The following CHST15 variants were observed in gnomAD, a reference collection of about 807,000 sequenced individuals.
CHST15 encodes the protein carbohydrate sulfotransferase 15.
A neutral mutation model predicts 53.6 loss-of-function variants in CHST15; 30 were observed. The observed-to-expected ratio is 0.56, with a 90% CI of 0.42 to 0.76. CHST15 has a LOEUF of 0.76. Ranked by LOEUF, CHST15 falls within the 30% of genes least tolerant of loss-of-function variation. The pLI, the probability that CHST15 is intolerant of heterozygous loss-of-function variation, is 0.00. For synonymous variants in CHST15, 296 were observed against 289.8 expected, an observed-to-expected ratio of 1.02 and a Z score of -0.22; for missense variants, 627 against 740.5, an observed-to-expected ratio of 0.85 and a Z score of 1.78.
chr10:124,059,943 G>A (rs183603705), intron 1 of CHST15, among the ~76,000 whole-genome samples: 43 of 152,312 alleles, frequency 2.8e-4, no homozygotes, highest in African/African-American at 6.5e-4. Context: ...AGAGCCAGGC[G>A]AGTGGAGTTT....
Position 124,008,672 on chromosome 10 carries a change from G to C in CHST15, c.*1477C>G, listed in dbSNP as rs760767128. 456 of 1,057,718 alleles carry C rather than the reference G, an allele frequency of 4.3e-4. No individual in the cohort carries two copies. The highest frequency in any genetic ancestry group is 9.4e-4 in the Middle Eastern group (2 of 2,134). 65.5% of individuals were successfully genotyped at this position (1,057,718 alleles called of 1,614,324 possible). A position where few individuals can be genotyped will look rare whatever the true frequency, so the allele number is the denominator to read the frequency against. On this transcript the variant is annotated 3_prime_UTR_variant, in exon 8 of 8. Coordinates refer to ENST00000435907, the MANE Select transcript of CHST15 (RefSeq NM_001270764.2). ...CAGATCCTCCTACCCCCGAAGCCTGGTCTGTCTCACACATACAAGTTAGAG... is the reference window on the plus strand; with the variant it reads ...CAGATCCTCCTACCCCCGAAGCCTGCTCTGTCTCACACATACAAGTTAGAG...
intron 1 of CHST15, among the ~76,000 whole-genome samples, chr10:124,084,796 G>A (rs1484429214): frequency 1.3e-5 from 2 of 152,162 alleles, no homozygotes; most frequent in Non-Finnish European, 2.9e-5. Context: ...GTGACACAGA[G>A]GTCAGCCAGC....
intron 3 of CHST15, 58 bp downstream of exon 3, chr10:124,044,522 G>A (rs909785758): frequency 5.7e-5 from 78 of 1,364,956 alleles, no homozygotes; most frequent in Non-Finnish European, 7.3e-5. Flanking sequence ...AACGTTGCGG[G>A]AGGAATGAAC....
chr10:124,063,779 C>G (rs556152774), intron 1 of CHST15, among the ~76,000 whole-genome samples: 1 of 152,312 alleles, frequency 6.6e-6, no homozygotes, highest in South Asian at 2.1e-4. Flanking sequence ...CTTAAACCAC[C>G]GCTGTCTTGC....
In CHST15 at chr10:124,036,550, G is replaced by A. The variant is rs982786998; in HGVS notation, c.1190+1965C>T. Among the ~76,000 whole-genome samples the A allele has an allele frequency of 1.3e-5, 2 of 152,102 alleles. No individual in the cohort carries two copies. The highest frequency in any genetic ancestry group is 2.1e-4 in the South Asian group (1 of 4,818). On this transcript the variant is annotated intron_variant, in intron 5 of 7. Transcript: ENST00000435907. The surrounding 1 kb of genome is among the most constrained non-coding windows in gnomAD (Gnocchi z 5.1). ...AGCGGGAGCCATGCAGACTCCACAA[G>A]AGGGACATCAGCTCAGAAGTGTGAC...
chr10:124,064,861 C>T (rs958515862), intron 1 of CHST15, among the ~76,000 whole-genome samples: 1 of 152,168 alleles, frequency 6.6e-6, no homozygotes, highest in African/African-American at 2.4e-5. Flanking sequence ...CTGCCCTGAT[C>T]CTCCAACCCT....
chr10:124,019,852 A>C lies in CHST15; in HGVS notation c.1347+1404T>G. The C allele has an allele frequency of 1.0e-6, 1 of 985,968 alleles. No individual in the cohort carries two copies. The highest frequency in any genetic ancestry group is 4.7e-5 in the South Asian group (1 of 21,294). The allele number at this position is 985,968 out of a possible 1,614,324, so 61.1% of individuals were successfully genotyped here. A position where few individuals can be genotyped will look rare whatever the true frequency, so the allele number is the denominator to read the frequency against. ...GCCACGCACCCAAGCCCCCTGCCTC[A>C]GTGCCCCCCATCTCCCACACCAGGC... is the stretch of plus-strand genomic sequence containing the variant. On this transcript the variant is annotated intron_variant, in intron 6 of 7. Coordinates refer to ENST00000435907, the MANE Select transcript of CHST15 (RefSeq NM_001270764.2). This position sits in a 1 kb window ranked among gnomAD's most constrained non-coding sequence, Gnocchi z 4.6.
At chr10:124,056,936 C>T (rs911872200) in intron 1 of CHST15, among the ~76,000 whole-genome samples, 2 of 151,650 alleles carry the variant, frequency 1.3e-5, no homozygotes, top group Non-Finnish European at 2.9e-5. Flanking sequence ...CGACCGGACA[C>T]TCTGAGGCCC....
intron 5 of CHST15, among the ~76,000 whole-genome samples, chr10:124,033,562 AT>A (rs1947308708): frequency 6.6e-6 from 1 of 152,210 alleles, no homozygotes; most frequent in African/African-American, 2.4e-5. Flanking sequence ...TGACGATGGG[AT>A]TTCACACTCA....
chr10:124,026,700 G>A lies in CHST15; in HGVS notation c.1191-5288C>T, dbSNP rs1947026250. ...TGAGGAATGTGGGAGGGTGGAGCCA[G>A]GCGACAGGCAGCTCACGGCCTCAGC... On this transcript the variant is annotated intron_variant, in intron 5 of 7. Transcript: ENST00000435907. Among the ~76,000 whole-genome samples, 2 of 152,210 alleles carry A rather than the reference G, an allele frequency of 1.3e-5. 1 individual carries two copies. Among genetic ancestry groups the A allele is most frequent in the Non-Finnish European group, 2.9e-5 (2 of 68,042 alleles).
At chr10:124,012,242 C>T in intron 7 of CHST15, 91 bp downstream of exon 7, 1 of 1,464,256 alleles carries the variant, frequency 6.8e-7, no homozygotes, top group Non-Finnish European at 9.3e-7. Context: ...TCCCACCCAG[C>T]TGACCAGGTC....
rs946747951 is a variant in CHST15 at position 124,016,263 on chromosome 10, G to A, written c.1348-3783C>T. Among the ~76,000 whole-genome samples, 14 of 152,028 alleles carry A rather than the reference G, an allele frequency of 9.2e-5. No homozygotes were observed. In the South Asian group the frequency reaches 1.0e-3, roughly 11 times the overall value. Reference sequence around the variant, plus strand: ...GTGAATGACTCCAGCAGGGTGTGCCGGGGCCCAGGGTGCCTTACAAAGCTG... The same window carrying A: ...GTGAATGACTCCAGCAGGGTGTGCCAGGGCCCAGGGTGCCTTACAAAGCTG... On this transcript the variant is annotated intron_variant, in intron 6 of 7. Coordinates refer to ENST00000435907, the MANE Select transcript of CHST15 (RefSeq NM_001270764.2).
Position 124,010,062 on chromosome 10 carries a change from A to T in CHST15, c.*87T>A. ...GAGTCCTGGGGTTTTCCATACCATG[A>T]GTGAAACAGTTCCCCGCAAAGAGAT... On this transcript the variant is annotated 3_prime_UTR_variant, in exon 8 of 8. Coordinates refer to ENST00000435907, the MANE Select transcript of CHST15 (RefSeq NM_001270764.2). 1.2e-6 allele frequency: 2 copies of T among 1,603,700 alleles called. No homozygotes were observed. The highest frequency in any genetic ancestry group is 1.7e-5 in the Admixed American group (1 of 59,430).
chr10:124,026,059 G>T (rs1376437691), intron 5 of CHST15, among the ~76,000 whole-genome samples: 1 of 152,168 alleles, frequency 6.6e-6, no homozygotes, highest in Non-Finnish European at 1.5e-5. Flanking sequence ...CAATTCTAAG[G>T]AAGACCAATT....
chr10:124,041,926 T>A (rs1318750439), intron 4 of CHST15, among the ~76,000 whole-genome samples: 2 of 152,194 alleles, frequency 1.3e-5, no homozygotes, highest in African/African-American at 4.8e-5. Flanking sequence ...AGCAAATCGA[T>A]GACTAACCAG....
chr10:124,086,987 C>G (rs989454707), intron 1 of CHST15, among the ~76,000 whole-genome samples: 1 of 152,214 alleles, frequency 6.6e-6, no homozygotes, highest in African/African-American at 2.4e-5. Flanking sequence ...GCTAAAAGAG[C>G]TTCCGTGTCA....
rs546089088 is a variant in CHST15 at position 124,049,476 on chromosome 10, G to A, written c.-512-2752C>T. ...GCTTTCAACAAACCCCCCAAACTCC[G>A]GGTAGGGAATAAGGGCTGCAGATTA... is the stretch of plus-strand genomic sequence containing the variant. On this transcript the variant is annotated intron_variant, in intron 1 of 7. Coordinates refer to ENST00000435907, the MANE Select transcript of CHST15 (RefSeq NM_001270764.2). 1.6e-4 allele frequency among the ~76,000 whole-genome samples: 25 copies of A among 152,310 alleles called. No homozygotes were observed. The East Asian group carries it at 4.1e-3, about 25-fold the overall frequency.
chr10:124,030,483 C>A (rs568935231), intron 5 of CHST15, among the ~76,000 whole-genome samples: 9 of 152,194 alleles, frequency 5.9e-5, no homozygotes, highest in African/African-American at 2.2e-4. Context: ...AGAGTGAGAG[C>A]TGGAGGGAGA....
chr10:124,010,368 G>A lies in CHST15; in HGVS notation c.1496-29C>T, dbSNP rs763935995. 11 of 1,527,094 alleles carry A rather than the reference G, an allele frequency of 7.2e-6. No individual in the cohort carries two copies. In the Admixed American group the frequency reaches 2.6e-4, roughly 36 times the overall value. The allele number at this position is 1,527,094 out of a possible 1,614,324, so 94.6% of individuals were successfully genotyped here. On this transcript the variant is annotated intron_variant, in intron 7 of 7. Transcript: ENST00000435907. ...GAATAAAAGAAGACGAGTCCCGTAA[G>A]GCAGGAGGCATGGCAGGAAGTAAAA... is the stretch of plus-strand genomic sequence containing the variant.
Sources: gnomAD v4.1 joint callset for allele counts (sites outside exome capture counted in the v4.1 genomes callset) on GRCh38, gnomAD v4.1.1 for gene constraint, Gnocchi (gnomAD v3.1) non-coding constraint, MANE v1.5 for transcripts, NCBI Gene and HGNC (gene_info 2026-07-23, HGNC 2026-07-21) for gene names.